The following KCNH4 variants were observed in gnomAD, a reference collection of about 807,000 sequenced individuals.
KCNH4 encodes voltage-gated delayed rectifier potassium channel KCNH4.
A neutral mutation model predicts 90.7 loss-of-function variants in KCNH4; 33 were observed. The observed-to-expected ratio is 0.36, with a 90% CI of 0.28 to 0.49. The LOEUF (loss-of-function observed/expected upper bound fraction) is 0.49. Among genes scored for constraint, KCNH4 ranks in the 20% least tolerant of loss-of-function variants. The pLI, the probability that KCNH4 is intolerant of heterozygous loss-of-function variation, is 0.98. For missense variants in KCNH4, 1,044 were observed against 1,387.1 expected (o/e 0.75, Z 3.93); for synonymous variants, 551 against 581.7 (o/e 0.95, Z 0.76).
At chr17:42,172,026 C>G in intron 6 of KCNH4, 31 bp from the exon 7 acceptor site, 1 of 1,545,660 alleles carries the variant, frequency 6.5e-7, no homozygotes, top group Non-Finnish European at 8.8e-7. Flanking sequence ...AGGCTGTCAG[C>G]AGGCACACCT....
chr17:42,160,330 C>CG lies in KCNH4; in HGVS notation c.2763dup (p.Ala922ArgfsTer34). The CG allele has an allele frequency of 6.2e-7, 1 of 1,614,038 alleles. No individual in the cohort carries two copies. Among genetic ancestry groups the CG allele is most frequent in the Non-Finnish European group, 8.5e-7 (1 of 1,179,996 alleles). Reference sequence around the variant, plus strand: ...GGACAAGGAGGGTCTGGGGTCCAAGCGGAGCCTGCTGGGTGGCCTGGGGGA... The same window carrying CG: ...GGACAAGGAGGGTCTGGGGTCCAAGCGGGAGCCTGCTGGGTGGCCTGGGGGA... On this transcript the variant is annotated frameshift_variant, in exon 16 of 17. Transcript: ENST00000264661. LOFTEE classifies it high-confidence loss of function.
Position 42,178,777 on chromosome 17 carries a change from G to A in KCNH4, c.310+16C>T. 1 of 1,583,190 alleles carries A rather than the reference G, an allele frequency of 6.3e-7. No individual in the cohort carries two copies. The highest frequency in any genetic ancestry group is 2.2e-5 in the East Asian group (1 of 44,726). On this transcript the variant is annotated intron_variant, in intron 2 of 16. Transcript: ENST00000264661. ...GGGGTCTAGGCAGAGCTGCAGGGTG[G>A]GGTGAGCCCCCTCACCATCCTTGCG...
In KCNH4 at chr17:42,169,647, C is replaced by T. The variant is rs767458540; in HGVS notation, c.1420G>A (p.Val474Met). The T allele has an allele frequency of 8.7e-6, 14 of 1,613,842 alleles. No homozygotes were observed. Among genetic ancestry groups the T allele is most frequent in the South Asian group, 3.3e-5 (3 of 91,092 alleles). The change falls in exon 9 of 17, where the codon GTG becomes ATG. Residue 474 changes from valine (V) to methionine (M), a missense_variant. Coordinates refer to ENST00000264661, the MANE Select transcript of KCNH4 (RefSeq NM_012285.3). ...ALMHAVVFGN[V>M]TAIIQRMYSR... The stretch of plus-strand genomic sequence containing the variant: ...TACATGCGCTGGATGATGGCTGTCA[C>T]GTTCCCGAACACCACAGCGTGCATC...
Position 42,164,143 on chromosome 17 carries a change from G to A in KCNH4, c.2111C>T (p.Pro704Leu). 6.4e-7 allele frequency: 1 copy of A among 1,552,208 alleles called. No homozygotes were observed. The highest frequency in any genetic ancestry group is 8.7e-7 in the Non-Finnish European group (1 of 1,147,230). ...AGTGGGTGTTACCTGGGAGAGGCGA[G>A]GGGATCGGGAAAAGCGGCTGAGGCC... is the stretch of plus-strand genomic sequence containing the variant. ...TSGLSRFSRSPRLSQPRSESL... is the reference protein window; with the variant it reads ...TSGLSRFSRSLRLSQPRSESL... The change falls in exon 12 of 17, where the codon CCT (proline) becomes CTT (leucine). Residue 704 changes from proline (P) to leucine (L), a missense_variant. Physicochemically the swap from Pro to Leu is moderately conservative, Grantham distance 98. Around this residue, in one of 4 missense-constraint regions of KCNH4, gnomAD observed 441 missense variants for 512.3 expected, o/e 0.86. Transcript: ENST00000264661.
chr17:42,162,425 G>T (rs1047343650), intron 14 of KCNH4, 104 bp from the exon 15 acceptor site: 11 of 939,804 alleles, frequency 1.2e-5, no homozygotes, highest in Non-Finnish European at 1.8e-5. Context: ...AGCAGGGGGA[G>T]ACAAAGCTCT....
At chr17:42,161,417 T>C (rs148009530) in intron 15 of KCNH4, among the ~76,000 whole-genome samples, 129 of 152,358 alleles carry the variant, frequency 8.5e-4, no homozygotes, top group African/African-American at 3.0e-3. Flanking sequence ...CAGGGAAGGC[T>C]GGCTCCCAGG....
intron 1 of KCNH4, among the ~76,000 whole-genome samples, chr17:42,179,781 A>C (rs1175455829): frequency 6.6e-6 from 1 of 152,254 alleles, no homozygotes; most frequent in Non-Finnish European, 1.5e-5. Flanking sequence ...GATCTGCCCC[A>C]CTGCTCAAAG....
At chr17:42,162,181 A>G in intron 15 of KCNH4, 67 bp downstream of exon 15, 1 of 1,409,952 alleles carries the variant, frequency 7.1e-7, no homozygotes, top group Non-Finnish European at 1.0e-6. Context: ...CCTGACCTCA[A>G]GTGAGCCACG....
At chr17:42,176,751 G>A (rs1301201069) in intron 4 of KCNH4, among the ~76,000 whole-genome samples, 1 of 151,892 alleles carries the variant, frequency 6.6e-6, no homozygotes, top group East Asian at 1.9e-4. Flanking sequence ...TTGAACTCCT[G>A]ACCTCAGGTG....
chr17:42,175,690 C>T lies in KCNH4; in HGVS notation c.876G>A (p.Gln292=), dbSNP rs2079855955. ...FRTTYVSQSG[Q]VISAPRSIGL... is the part of the protein sequence containing the mutation. ...CAATGGAACGAGGAGCAGAGATTAC[C>T]TGGCCGGACTGGGACACATAGGTGG... The change falls in exon 6 of 17, where the codon CAG becomes CAA. Residue 292 remains glutamine, a synonymous_variant. Transcript: ENST00000264661. The T allele has an allele frequency of 3.7e-6, 6 of 1,613,982 alleles. No individual in the cohort carries two copies. In the East Asian group the frequency reaches 1.3e-4, roughly 36 times the overall value.
intron 16 of KCNH4, among the ~76,000 whole-genome samples, chr17:42,159,421 G>C (rs2079730024): frequency 6.6e-6 from 1 of 152,094 alleles, no homozygotes; most frequent in South Asian, 2.1e-4. Flanking sequence ...TTTGTTTCCT[G>C]TGTGGGCTGT....
At chr17:42,157,642 CTG>C (rs1430987604) in intron 16 of KCNH4, among the ~76,000 whole-genome samples, 3 of 152,182 alleles carry the variant, frequency 2.0e-5, no homozygotes, top group Admixed American at 1.3e-4. Context: ...GGGTCTCACT[CTG>C]TCACCCAGGC....
chr17:42,169,441 G>GAGGGCA (rs775171284), intron 9 of KCNH4, 36 bp downstream of exon 9: 1 of 1,600,712 alleles, frequency 6.2e-7, no homozygotes, highest in Non-Finnish European at 8.5e-7. Context: ...GGGCCACGCG[G>GAGGGCA]AGGGCAAGGG....
intron 1 of KCNH4, among the ~76,000 whole-genome samples, 155 bp from the exon 2 acceptor site, chr17:42,179,181 T>C (rs2079884961): frequency 6.6e-6 from 1 of 152,158 alleles, no homozygotes; most frequent in Admixed American, 6.5e-5. Flanking sequence ...ATATTCTGAA[T>C]TGAGAATTGG....
At position 42,159,943 on chromosome 17, in the gene KCNH4, G is replaced by T; in HGVS notation, c.*97C>A. On this transcript the variant is annotated 3_prime_UTR_variant, in exon 16 of 17. Coordinates refer to ENST00000264661, the MANE Select transcript of KCNH4 (RefSeq NM_012285.3). ...CCAGAGCCAACCAGGCCAGCTGGTG[G>T]CTGCTGACCCCAAGGCAGGAAGCCA... 1 of 913,682 alleles carries T rather than the reference G, an allele frequency of 1.1e-6. No individual in the cohort carries two copies. Among genetic ancestry groups the T allele is most frequent in the Non-Finnish European group, 1.5e-6 (1 of 649,198 alleles). 56.6% of individuals were successfully genotyped at this position (913,682 alleles called of 1,614,324 possible).
At chr17:42,162,812 C>T (rs373873404) in intron 14 of KCNH4, among the ~76,000 whole-genome samples, 2 of 152,042 alleles carry the variant, frequency 1.3e-5, no homozygotes, top group East Asian at 1.9e-4. Context: ...AGGCTGGTCT[C>T]GAACTCCTGA....
chr17:42,175,638 A>G lies in KCNH4; in HGVS notation c.928T>C (p.Phe310Leu), dbSNP rs375412201. 5.0e-6 allele frequency: 8 copies of G among 1,614,212 alleles called. No homozygotes were observed. Among genetic ancestry groups the G allele is most frequent in the Admixed American group, 1.7e-5 (1 of 60,016 alleles). The change falls in exon 6 of 17, where the codon TTC becomes CTC. Residue 310 changes from phenylalanine (F) to leucine (L), a missense_variant. By Grantham distance (22) the Phe-to-Leu change is conservative (BLOSUM62 0). Around this residue, in one of 4 missense-constraint regions of KCNH4, gnomAD observed 318 missense variants for 479.6 expected, o/e 0.66. Coordinates refer to ENST00000264661, the MANE Select transcript of KCNH4 (RefSeq NM_012285.3). ...GGCAGAGCAGCAATAAGGTCGATGA[A>G]GAACCAGGTGGCCAGGTAGTGGAGG... ...IGLHYLATWF[F>L]IDLIAALPFD...
At chr17:42,175,455 T>C (rs937540731) in intron 6 of KCNH4, 124 bp downstream of exon 6, 3 of 1,132,796 alleles carry the variant, frequency 2.6e-6, no homozygotes, top group African/African-American at 1.5e-5. Flanking sequence ...AGCAGGTGCC[T>C]GATAAATATC....
At chr17:42,169,825 A>G in intron 8 of KCNH4, 149 bp from the exon 9 acceptor site, 1 of 789,542 alleles carries the variant, frequency 1.3e-6, no homozygotes, top group East Asian at 2.7e-5. Flanking sequence ...GGGAATAGGG[A>G]GTGGTCCAGA....
Sources: gnomAD v4.1 joint callset for allele counts (sites outside exome capture counted in the v4.1 genomes callset) on GRCh38, gnomAD v4.1.1 for gene constraint, gnomAD v4.1.1 regional missense constraint, MANE v1.5 for transcripts, NCBI Gene and HGNC (gene_info 2026-07-23, HGNC 2026-07-21) for gene names.